Variants in VSTM4 observed in about 807,000 individuals in gnomAD.
VSTM4 encodes V-set and transmembrane domain-containing protein 4.
In VSTM4, 20 loss-of-function variants were observed where a neutral mutation model predicts 36.4. That is an observed-to-expected ratio of 0.55 (90% confidence interval 0.39 to 0.80). The LOEUF (loss-of-function observed/expected upper bound fraction) is 0.80. VSTM4 is among the 30% of genes least tolerant of loss of function. The probability of loss-of-function intolerance (pLI) is 0.00; values close to 1 mark genes in which losing one functional copy is unlikely to be tolerated. For missense variants in VSTM4, 392 were observed against 404.5 expected (o/e 0.97, Z 0.26); for synonymous variants, 182 against 173.9 (o/e 1.05, Z -0.37).
intron 1 of VSTM4, among the ~76,000 whole-genome samples, chr10:49,108,744 C>T (rs866522161): frequency 2.6e-5 from 4 of 152,198 alleles, no homozygotes; most frequent in African/African-American, 9.7e-5. Flanking sequence ...AGGCCCCATC[C>T]ACAACTTCCT....
At chr10:49,089,599 A>T (rs1187522035) in intron 2 of VSTM4, among the ~76,000 whole-genome samples, 1 of 152,206 alleles carries the variant, frequency 6.6e-6, no homozygotes, top group Non-Finnish European at 1.5e-5. Flanking sequence ...AACCCTATGC[A>T]AGGAATCACT....
intron 5 of VSTM4, among the ~76,000 whole-genome samples, chr10:49,058,180 C>T (rs1843815267): frequency 6.6e-6 from 1 of 152,102 alleles, no homozygotes; most frequent in Non-Finnish European, 1.5e-5. Flanking sequence ...TGCATTATAA[C>T]TTCCCTCATT....
At chr10:49,085,240 C>T (rs1458488468) in intron 3 of VSTM4, among the ~76,000 whole-genome samples, 1 of 152,262 alleles carries the variant, frequency 6.6e-6, no homozygotes, top group Admixed American at 6.5e-5. Context: ...TTGGGAACCA[C>T]TGTTCCAAGG....
chr10:49,049,491 G>A (rs183251743), intron 5 of VSTM4, among the ~76,000 whole-genome samples: 9 of 152,186 alleles, frequency 5.9e-5, no homozygotes, highest in Non-Finnish European at 1.0e-4. Flanking sequence ...CTTCCTATTC[G>A]CTCCAGTAAT....
intron 1 of VSTM4, among the ~76,000 whole-genome samples, chr10:49,108,631 C>A (rs981573415): frequency 1.3e-5 from 2 of 152,200 alleles, no homozygotes; most frequent in Admixed American, 6.5e-5. Flanking sequence ...TTTGTAGGAT[C>A]CATCGTCTCA....
intron 1 of VSTM4, among the ~76,000 whole-genome samples, chr10:49,109,325 A>G (rs1284868771): frequency 6.6e-6 from 1 of 152,186 alleles, no homozygotes; most frequent in South Asian, 2.1e-4. Flanking sequence ...TTTGACAAGG[A>G]GGCTGTGGAG....
At position 49,016,141 on chromosome 10, in the gene VSTM4, TGTTTTG is replaced by T. The variant is rs1231411473; in HGVS notation, c.*3503_*3508del. 1 of 152,272 alleles carries T rather than the reference TGTTTTG, an allele frequency of 6.6e-6. No individual in the cohort carries two copies. The highest frequency in any genetic ancestry group is 1.5e-5 in the Non-Finnish European group (1 of 68,084). The allele number at this position is 152,272 out of a possible 1,614,324, so 9.4% of individuals were successfully genotyped here. A position where few individuals can be genotyped will look rare whatever the true frequency, so the allele number is the denominator to read the frequency against. On this transcript the variant is annotated 3_prime_UTR_variant, in exon 8 of 8. Transcript: ENST00000332853. ...TATTTTGTTTGTTTGTTTGTTTGTTTGTTTTGCTTCCTGTTCTGGGAAGCAACTTTG... is the reference window on the plus strand; with the variant it reads ...TATTTTGTTTGTTTGTTTGTTTGTTTCTTCCTGTTCTGGGAAGCAACTTTG...
intron 5 of VSTM4, among the ~76,000 whole-genome samples, chr10:49,060,615 T>C (rs1843861267): frequency 6.6e-6 from 1 of 152,208 alleles, no homozygotes; most frequent in African/African-American, 2.4e-5. Context: ...CTTTATCGGT[T>C]ATCTGATTTG....
chr10:49,063,968 G>A (rs1843926430), intron 5 of VSTM4, among the ~76,000 whole-genome samples: 1 of 152,204 alleles, frequency 6.6e-6, no homozygotes, highest in Non-Finnish European at 1.5e-5. Flanking sequence ...TTTGATCCAG[G>A]GGAGGAATGA....
At chr10:49,037,562 A>T (rs573785787) in intron 7 of VSTM4, among the ~76,000 whole-genome samples, 28 of 152,344 alleles carry the variant, frequency 1.8e-4, no homozygotes, top group South Asian at 8.3e-4. Flanking sequence ...CCTGCTGAGG[A>T]TATCATTAGG....
intron 2 of VSTM4, among the ~76,000 whole-genome samples, chr10:49,090,885 T>C (rs767110214): frequency 2.6e-5 from 4 of 152,070 alleles, no homozygotes; most frequent in African/African-American, 4.8e-5. Context: ...TGACCACTCC[T>C]GCACACACTC....
chr10:49,022,917 G>A (rs766022732), intron 7 of VSTM4, among the ~76,000 whole-genome samples: 3 of 152,104 alleles, frequency 2.0e-5, no homozygotes, highest in Non-Finnish European at 4.4e-5. Flanking sequence ...TTTCAATACA[G>A]GTCACCAGGC....
chr10:49,026,038 G>C (rs910238596), intron 7 of VSTM4, among the ~76,000 whole-genome samples: 10 of 152,214 alleles, frequency 6.6e-5, no homozygotes, highest in Non-Finnish European at 1.0e-4. Context: ...AAAAATCCTA[G>C]AGGAAAGGGC....
intron 7 of VSTM4, among the ~76,000 whole-genome samples, chr10:49,020,588 C>A (rs566342859): frequency 6.6e-6 from 1 of 151,816 alleles, no homozygotes; most frequent in Non-Finnish European, 1.5e-5. Flanking sequence ...GCTGAATATA[C>A]TGAAAAAACT....
rs1554829905 is a variant in VSTM4, at chr10:49,035,687, A to AAAAAAAAGTT, written c.837+11295_837+11296insAACTTTTTTT. On this transcript the variant is annotated intron_variant, in intron 7 of 7. Transcript: ENST00000332853. ...AGCTCCACAAAAAAAAAAAAAAAAA[A>AAAAAAAAGTT]AAAAGTTAGATGTGGTGGCACATGC... Among the ~76,000 whole-genome samples the AAAAAAAAGTT allele has an allele frequency of 2.2e-3, 334 of 150,836 alleles. 1 individual carries two copies. The highest frequency in any genetic ancestry group is 7.7e-3 in the African/African-American group (313 of 40,860).
At chr10:49,085,685 T>G (rs1409066861) in intron 3 of VSTM4, among the ~76,000 whole-genome samples, 1 of 152,180 alleles carries the variant, frequency 6.6e-6, no homozygotes, top group African/African-American at 2.4e-5. Context: ...GTTAGGGTCC[T>G]TTCTTTATAT....
rs140211418 is a variant in VSTM4 at position 49,074,478 on chromosome 10, C to T, written c.634+2741G>A. ...CCCAGACATCCTGAATCAGAATCTG[C>T]ATTTGAGCAGGTTCCCACGTGAACG... On this transcript the variant is annotated intron_variant, in intron 4 of 7. Coordinates refer to ENST00000332853, the MANE Select transcript of VSTM4 (RefSeq NM_001031746.5). Among the ~76,000 whole-genome samples the T allele has an allele frequency of 6.6e-5, 10 of 152,322 alleles. No homozygotes were observed. In the East Asian group the frequency reaches 1.9e-3, roughly 29 times the overall value.
intron 7 of VSTM4, among the ~76,000 whole-genome samples, chr10:49,031,571 A>G (rs1452852502): frequency 2.0e-5 from 3 of 152,258 alleles, no homozygotes; most frequent in African/African-American, 7.2e-5. Context: ...TATATGTGCT[A>G]AACGCTAATG....
intron 4 of VSTM4, among the ~76,000 whole-genome samples, chr10:49,073,164 T>C (rs1409309531): frequency 2.0e-5 from 3 of 152,194 alleles, no homozygotes; most frequent in Non-Finnish European, 4.4e-5. Context: ...GCCTCATGGA[T>C]CTACAGATCC....
Sources: allele counts gnomAD v4.1 joint callset (sites outside exome capture counted in the v4.1 genomes callset), GRCh38; gene constraint gnomAD v4.1.1; transcripts MANE v1.5; gene names NCBI Gene and HGNC (gene_info 2026-07-23, HGNC 2026-07-21).